Variants in KIAA0319L observed in about 807,000 individuals in gnomAD.
The protein encoded by KIAA0319L is dyslexia-associated protein KIAA0319-like protein.
In KIAA0319L, 55 loss-of-function variants were observed where a neutral mutation model predicts 120.1. That is an observed-to-expected ratio of 0.46 (90% CI 0.37 to 0.57). The LOEUF (loss-of-function observed/expected upper bound fraction) is 0.57, where lower values mean the gene tolerates loss of function less well. Ranked by LOEUF, KIAA0319L falls within the 20% of genes least tolerant of loss-of-function variation. The pLI is 0.00. For missense variants in KIAA0319L, 1,049 were observed against 1,255.3 expected (o/e 0.84, Z 2.48); for synonymous variants, 398 against 471.9 (o/e 0.84, Z 2.03).
intron 2 of KIAA0319L, among the ~76,000 whole-genome samples, chr1:35,524,138 G>A (rs921556133): frequency 2.6e-5 from 4 of 152,306 alleles, no homozygotes; most frequent in Admixed American, 1.3e-4. Context: ...GAACTTGGTG[G>A]AAACAGATTT....
chr1:35,499,780 T>TAA (rs531553228), intron 3 of KIAA0319L, among the ~76,000 whole-genome samples: 3 of 93,426 alleles, frequency 3.2e-5, no homozygotes, highest in Non-Finnish European at 4.7e-5. Context: ...TAAAAACAAG[T>TAA]AAAAAAAAAA....
intron 2 of KIAA0319L, among the ~76,000 whole-genome samples, chr1:35,512,539 A>G (rs1213274147): frequency 6.6e-6 from 1 of 151,784 alleles, no homozygotes; most frequent in Non-Finnish European, 1.5e-5. Context: ...TGACCACGGG[A>G]AAAAAAAGGA....
At chr1:35,449,734 G>C (rs1390058360) in intron 15 of KIAA0319L, 133 bp downstream of exon 15, 1 of 927,424 alleles carries the variant, frequency 1.1e-6, no homozygotes, top group African/African-American at 1.7e-5. Context: ...TTTCAGCTTG[G>C]GGTTTCTCGA....
chr1:35,554,280 G>T, intron 2 of KIAA0319L, 70 bp downstream of exon 2: 1 of 1,198,340 alleles, frequency 8.3e-7, no homozygotes, highest in Non-Finnish European at 1.1e-6. Flanking sequence ...TCCTTAAAAT[G>T]AACTGAGGGA....
At chr1:35,483,763 TAA>T (rs1430866388) in intron 3 of KIAA0319L, among the ~76,000 whole-genome samples, 3 of 152,222 alleles carry the variant, frequency 2.0e-5, no homozygotes, top group African/African-American at 4.8e-5. Flanking sequence ...TGAATTACTA[TAA>T]ACTTTGTGGC....
intron 3 of KIAA0319L, among the ~76,000 whole-genome samples, chr1:35,500,535 A>G (rs1200270998): frequency 6.6e-6 from 1 of 152,280 alleles, no homozygotes; most frequent in East Asian, 1.9e-4. Flanking sequence ...TATTTCCAAA[A>G]GAGTGAAAAA....
intron 3 of KIAA0319L, among the ~76,000 whole-genome samples, chr1:35,482,360 A>G (rs1414707489): frequency 6.6e-6 from 1 of 151,792 alleles, no homozygotes; most frequent in African/African-American, 2.4e-5. Flanking sequence ...TCACCTATAG[A>G]TGAACGTTTG....
chr1:35,443,898 G>C, intron 17 of KIAA0319L: 1 of 307,200 alleles, frequency 3.3e-6, no homozygotes, highest in East Asian at 5.6e-5. Flanking sequence ...GTGAGTTTCA[G>C]TCAGAGGTTA....
chr1:35,446,935 CA>C (rs1310166139), intron 16 of KIAA0319L, among the ~76,000 whole-genome samples: 1 of 152,136 alleles, frequency 6.6e-6, no homozygotes, highest in African/African-American at 2.4e-5. Context: ...TAAGACACCC[CA>C]AATTCAATCA....
At chr1:35,447,732 T>C (rs1641738319) in intron 16 of KIAA0319L, among the ~76,000 whole-genome samples, 1 of 152,100 alleles carries the variant, frequency 6.6e-6, no homozygotes, top group Non-Finnish European at 1.5e-5. Flanking sequence ...ACACTGCACC[T>C]GGCTAATTTT....
chr1:35,507,009 C>T lies in KIAA0319L; in HGVS notation c.269G>A (p.Cys90Tyr). The T allele has an allele frequency of 1.2e-6, 2 of 1,612,760 alleles. No individual in the cohort carries two copies. The highest frequency in any genetic ancestry group is 8.5e-7 in the Non-Finnish European group (1 of 1,179,422). Residue 90 changes from cysteine to tyrosine, a missense_variant, in exon 3 of 21, where the codon TGC becomes TAC. Physicochemically the swap from Cys to Tyr is radical, Grantham distance 194 (BLOSUM62 -2). Transcript: ENST00000325722. ...PSLQSCWAACCQDSACHVFWW... is the reference protein window; with the variant it reads ...PSLQSCWAACYQDSACHVFWW... ...AAAGACATGGCAGGCAGAGTCCTGG[C>T]AGCAGGCAGCCCAACATGACTGGAG...
At chr1:35,447,573 TC>T (rs376825356) in intron 16 of KIAA0319L, among the ~76,000 whole-genome samples, 160 of 150,934 alleles carry the variant, frequency 1.1e-3, no homozygotes, top group African/African-American at 3.6e-3. Context: ...CCTTTTTTTT[TC>T]TTTTTTTTTT....
chr1:35,492,554 A>G lies in KIAA0319L; in HGVS notation c.667-13342T>C, dbSNP rs568374699. ...AATTAATAATAATAATAATAATATC[A>G]TGACCAAGCGGGGTTTACTCCAGGA... On this transcript the variant is annotated intron_variant, in intron 3 of 20. Coordinates refer to ENST00000325722, the MANE Select transcript of KIAA0319L (RefSeq NM_024874.5). Among the ~76,000 whole-genome samples, 118 of 151,950 alleles carry G rather than the reference A, an allele frequency of 7.8e-4. 1 individual carries two copies. The highest frequency in any genetic ancestry group is 2.9e-3 in the Admixed American group (44 of 15,258).
chr1:35,453,444 T>C lies in KIAA0319L; in HGVS notation c.1913+113A>G. 1.2e-6 allele frequency: 1 copy of C among 866,806 alleles called. No individual in the cohort carries two copies. Among genetic ancestry groups the C allele is most frequent in the Non-Finnish European group, 1.8e-6 (1 of 559,200 alleles). The allele number at this position is 866,806 out of a possible 1,614,324, so 53.7% of individuals were successfully genotyped here. A position where few individuals can be genotyped will look rare whatever the true frequency, so the allele number is the denominator to read the frequency against. On this transcript the variant is annotated intron_variant, in intron 12 of 20. Coordinates refer to ENST00000325722, the MANE Select transcript of KIAA0319L (RefSeq NM_024874.5). This position sits in a 1 kb window ranked among gnomAD's most constrained non-coding sequence, Gnocchi z 4.1. ...GGAATTGCAAACATTTCTTCCTCAG[T>C]CACCCCACTGGATAAGCCAATAAGA...
At chr1:35,528,858 T>C (rs997629201) in intron 2 of KIAA0319L, among the ~76,000 whole-genome samples, 5 of 152,216 alleles carry the variant, frequency 3.3e-5, no homozygotes, top group African/African-American at 4.8e-5. Context: ...ATAATGACCT[T>C]CTTTGTCTCT....
At chr1:35,454,632 A>G (rs1463556189) in intron 10 of KIAA0319L, 147 bp from the exon 11 acceptor site, 6 of 1,423,456 alleles carry the variant, frequency 4.2e-6, no homozygotes, top group Admixed American at 2.7e-5. Flanking sequence ...CATGTGAGTG[A>G]ATATGGAGTC....
intron 10 of KIAA0319L, 185 bp from the exon 11 acceptor site, chr1:35,454,670 T>A (rs1300841904): frequency 1.5e-6 from 2 of 1,375,938 alleles, no homozygotes; most frequent in East Asian, 2.6e-5. Flanking sequence ...TTGCTAAGGG[T>A]TTCCCCCTTC....
At chr1:35,441,218 G>T in intron 19 of KIAA0319L, 80 bp from the exon 20 acceptor site, 1 of 1,296,498 alleles carries the variant, frequency 7.7e-7, no homozygotes. Context: ...GTGCATGCAG[G>T]GCCCTATTTT....
chr1:35,450,622 T>C (rs1266268224), intron 13 of KIAA0319L, 113 bp from the exon 14 acceptor site: 1 of 1,024,762 alleles, frequency 9.8e-7, no homozygotes, highest in East Asian at 2.6e-5. Context: ...TGGAGAACCT[T>C]TTTAAGTGCC....
Sources: allele counts gnomAD v4.1 joint callset (sites outside exome capture counted in the v4.1 genomes callset), GRCh38; gene constraint gnomAD v4.1.1; non-coding constraint Gnocchi (gnomAD v3.1); transcripts MANE v1.5; gene names NCBI Gene and HGNC (gene_info 2026-07-23, HGNC 2026-07-21).